Variants in PDZD2 observed in about 807,000 individuals in gnomAD.
The protein encoded by PDZD2 is PDZ domain-containing protein 2.
A neutral mutation model predicts 220.7 loss-of-function variants in PDZD2; 90 were observed. That is an observed-to-expected ratio of 0.41 (90% CI 0.34 to 0.49). PDZD2 has a LOEUF of 0.49. PDZD2 is among the 20% of genes least tolerant of loss of function. The pLI, the probability that PDZD2 is intolerant of heterozygous loss-of-function variation, is 0.28. For synonymous variants in PDZD2, 1,375 were observed against 1,450.5 expected (o/e 0.95, Z 1.18); for missense variants, 3,174 against 3,608.5 (o/e 0.88, Z 3.08).
rs1745237604 is a variant in PDZD2 at position 32,110,114 on chromosome 5, C to CTAT, written c.*1981_*1983dup. On this transcript the variant is annotated 3_prime_UTR_variant, in exon 25 of 25. Transcript: ENST00000438447. ...TCTGCTTTCTTGCCTAAATCAAAGACTATTTCAAGTCAACAACACTGAAAA... is the reference window on the plus strand; with the variant it reads ...TCTGCTTTCTTGCCTAAATCAAAGACTATTATTTCAAGTCAACAACACTGAAAA... 1 of 152,606 alleles carries CTAT rather than the reference C, an allele frequency of 6.6e-6. No individual in the cohort carries two copies. Among genetic ancestry groups the CTAT allele is most frequent in the African/African-American group, 2.4e-5 (1 of 41,436 alleles). The allele number at this position is 152,606 out of a possible 1,614,324, so 9.5% of individuals were successfully genotyped here.
intron 1 of PDZD2, among the ~76,000 whole-genome samples, chr5:31,658,202 G>A (rs182902026): frequency 1.6e-4 from 24 of 152,048 alleles, no homozygotes; most frequent in Admixed American, 1.6e-3. Context: ...GTCACCCCAG[G>A]GTCTATTCTA....
intron 8 of PDZD2, 70 bp from the exon 9 acceptor site, chr5:32,052,541 A>T: frequency 1.4e-6 from 2 of 1,445,914 alleles, no homozygotes; most frequent in Admixed American, 1.7e-5. Flanking sequence ...GTCTGAGTGT[A>T]TTTTTCTGCC....
intron 2 of PDZD2, among the ~76,000 whole-genome samples, chr5:31,886,702 CTTTT>C (rs34507635): frequency 0.011 from 1,400 of 129,906 alleles, 25 homozygotes; most frequent in African/African-American, 0.054. Flanking sequence ...GTCTCTGTCT[CTTTT>C]TTTTTTTTTG....
At chr5:31,916,918 G>A (rs1743739832) in intron 2 of PDZD2, among the ~76,000 whole-genome samples, 1 of 152,164 alleles carries the variant, frequency 6.6e-6, no homozygotes, top group African/African-American at 2.4e-5. Context: ...ATCATGACAG[G>A]CCCAGTTTGT....
intron 2 of PDZD2, among the ~76,000 whole-genome samples, chr5:31,846,479 G>C (rs555007300): frequency 6.6e-6 from 1 of 152,304 alleles, no homozygotes; most frequent in Admixed American, 6.5e-5. Context: ...GCTGCGAAGA[G>C]GGAAAGAGAC....
intron 1 of PDZD2, among the ~76,000 whole-genome samples, chr5:31,777,300 A>G (rs1048009180): frequency 6.6e-6 from 1 of 152,066 alleles, no homozygotes; most frequent in Non-Finnish European, 1.5e-5. Flanking sequence ...GCCCGCCCGC[A>G]CTGTGCTTGA....
rs1757847059 is a variant in PDZD2 at position 31,849,911 on chromosome 5, TATATATACATATATATATATACAC to T, written c.476+50195_476+50218del. Among the ~76,000 whole-genome samples the T allele has an allele frequency of 2.0e-4, 4 of 19,974 alleles. 1 individual carries two copies. The highest frequency in any genetic ancestry group is 8.6e-4 in the African/African-American group (3 of 3,506). 13.1% of individuals were successfully genotyped at this position (19,974 alleles called of 152,430 possible). On this transcript the variant is annotated intron_variant, in intron 2 of 24. Coordinates refer to ENST00000438447, the MANE Select transcript of PDZD2 (RefSeq NM_178140.4). ...ATACACATATATATATATACATATA[TATATATACATATATATATATACAC>T]ATATATATATATACATATATATATA...
intron 21 of PDZD2, 44 bp downstream of exon 21, chr5:32,093,068 G>T (rs368996222): frequency 3.9e-6 from 4 of 1,021,446 alleles, no homozygotes; most frequent in Non-Finnish European, 6.2e-6. Flanking sequence ...TTGCGGCCGC[G>T]TGAGTGCCCA....
intron 2 of PDZD2, among the ~76,000 whole-genome samples, chr5:31,809,569 T>A (rs1451281381): frequency 6.6e-6 from 1 of 152,212 alleles, no homozygotes; most frequent in Non-Finnish European, 1.5e-5. Context: ...AGAGGGGAGT[T>A]ATTCGTCCCC....
At chr5:31,903,065 T>TG (rs1036822336) in intron 2 of PDZD2, among the ~76,000 whole-genome samples, 4 of 150,918 alleles carry the variant, frequency 2.7e-5, no homozygotes, top group Non-Finnish European at 5.9e-5. Context: ...GAGGCGGAGG[T>TG]GGGTGGATCA....
chr5:31,934,352 A>C (rs571959637), intron 2 of PDZD2, among the ~76,000 whole-genome samples: 3 of 152,122 alleles, frequency 2.0e-5, no homozygotes, highest in Non-Finnish European at 2.9e-5. Context: ...GCACACAAAA[A>C]ATGTGGACTT....
At chr5:32,053,738 C>A in intron 9 of PDZD2, 31 bp from the exon 10 acceptor site, 1 of 1,206,116 alleles carries the variant, frequency 8.3e-7, no homozygotes, top group South Asian at 1.2e-5. Flanking sequence ...ACCACACTGT[C>A]AACCTGGACT....
At chr5:31,753,772 G>A (rs1406357980) in intron 1 of PDZD2, among the ~76,000 whole-genome samples, 1 of 152,136 alleles carries the variant, frequency 6.6e-6, no homozygotes, top group Non-Finnish European at 1.5e-5. Flanking sequence ...TTCTTTTCAG[G>A]CAGCATCACT....
At chr5:31,642,755 G>C (rs1227447592) in intron 1 of PDZD2, among the ~76,000 whole-genome samples, 1 of 152,220 alleles carries the variant, frequency 6.6e-6, no homozygotes, top group African/African-American at 2.4e-5. Flanking sequence ...TCTCTGGAAG[G>C]CCAGAGGGAA....
chr5:32,029,623 A>AGTCTT (rs1314378150), intron 6 of PDZD2, among the ~76,000 whole-genome samples: 5 of 152,156 alleles, frequency 3.3e-5, no homozygotes, highest in African/African-American at 1.2e-4. Flanking sequence ...AGGCAACCTC[A>AGTCTT]GTCTTTTATG....
At chr5:32,084,336 C>A (rs1742247555) in intron 19 of PDZD2, among the ~76,000 whole-genome samples, 1 of 152,234 alleles carries the variant, frequency 6.6e-6, no homozygotes, top group Non-Finnish European at 1.5e-5. Flanking sequence ...CTGGCTCTGC[C>A]ACCTGTGAAC....
chr5:31,742,303 T>C (rs1479661), intron 1 of PDZD2: 52,567 of 152,068 alleles, frequency 0.35, 9,273 homozygotes, highest in East Asian at 0.42. Flanking sequence ...GAGCTTGATG[T>C]GGATGGTTTT....
chr5:32,108,146 G>GAATC lies in PDZD2; in HGVS notation c.*13_*16dup, dbSNP rs1323714265. ...AGGAATTCTTCATGAATTTTAACAA[G>GAATC]AATCATTTTCTCAGTTCTCTTCTTT... is the stretch of plus-strand genomic sequence containing the variant. On this transcript the variant is annotated 3_prime_UTR_variant, in exon 25 of 25. Transcript: ENST00000438447. The GAATC allele has an allele frequency of 1.3e-6, 2 of 1,566,798 alleles. No homozygotes were observed. The highest frequency in any genetic ancestry group is 1.7e-6 in the Non-Finnish European group (2 of 1,147,822).
At chr5:31,819,603 G>A (rs1755694576) in intron 2 of PDZD2, among the ~76,000 whole-genome samples, 1 of 145,056 alleles carries the variant, frequency 6.9e-6, no homozygotes, top group Non-Finnish European at 1.5e-5. Flanking sequence ...GTTGCAGTGA[G>A]CCGAGATCAT....
Sources: gnomAD v4.1 joint callset for allele counts (sites outside exome capture counted in the v4.1 genomes callset) on GRCh38, gnomAD v4.1.1 for gene constraint, MANE v1.5 for transcripts, NCBI Gene and HGNC (gene_info 2026-07-23, HGNC 2026-07-21) for gene names.